Variants in BCDIN3D observed in about 807,000 individuals in gnomAD.
The protein encoded by BCDIN3D is BCDIN3 domain containing RNA methyltransferase.
A neutral mutation model predicts 21.2 loss-of-function variants in BCDIN3D; 15 were observed. The ratio of observed to expected loss-of-function variants is 0.71; its 90% CI spans 0.47 to 1.09. The LOEUF (loss-of-function observed/expected upper bound fraction) is 1.09. Ranked by LOEUF, BCDIN3D falls within the 50% of genes least tolerant of loss-of-function variation. The pLI is 0.00. For synonymous variants in BCDIN3D, 127 were observed against 141.9 expected, an observed-to-expected ratio of 0.90 and a Z score of 0.75; for missense variants, 331 against 366.2, an observed-to-expected ratio of 0.90 and a Z score of 0.79.
rs1946506266 is a variant in BCDIN3D, at chr12:49,836,460, AG to A, written c.*1910del. On this transcript the variant is annotated 3_prime_UTR_variant, in exon 2 of 2. Coordinates refer to ENST00000333924, the MANE Select transcript of BCDIN3D (RefSeq NM_181708.3). Reference sequence around the variant, plus strand: ...CTGTGCGCTGCCTTGGTGGAGTGAGAGGAGAGAGCACCCAGCAGGGTTACAG... The same window carrying A: ...CTGTGCGCTGCCTTGGTGGAGTGAGAGAGAGAGCACCCAGCAGGGTTACAG... The A allele has an allele frequency of 6.6e-6, 1 of 152,228 alleles. No individual in the cohort carries two copies. The highest frequency in any genetic ancestry group is 1.5e-5 in the Non-Finnish European group (1 of 68,034). The allele number at this position is 152,228 out of a possible 1,614,324, so 9.4% of individuals were successfully genotyped here. A position where few individuals can be genotyped will look rare whatever the true frequency, so the allele number is the denominator to read the frequency against.
chr12:49,842,163 C>T (rs1445231337), intron 1 of BCDIN3D, among the ~76,000 whole-genome samples: 3 of 152,218 alleles, frequency 2.0e-5, no homozygotes, highest in African/African-American at 4.8e-5. Context: ...TCACTGCAAG[C>T]TCCGCCTCCC....
rs1313059155 is a variant in BCDIN3D at position 49,837,684 on chromosome 12, T to G, written c.*687A>C. The G allele has an allele frequency of 6.6e-6, 1 of 151,900 alleles. No individual in the cohort carries two copies. Among genetic ancestry groups the G allele is most frequent in the East Asian group, 1.9e-4 (1 of 5,172 alleles). 9.4% of individuals were successfully genotyped at this position (151,900 alleles called of 1,614,324 possible). Reference sequence around the variant, plus strand: ...AACCGTAAGCACTCAAAGTATGGTCTACCTCTGCTTGCCTCAGAATCATCT... The same window carrying G: ...AACCGTAAGCACTCAAAGTATGGTCGACCTCTGCTTGCCTCAGAATCATCT... On this transcript the variant is annotated 3_prime_UTR_variant, in exon 2 of 2. Coordinates refer to ENST00000333924, the MANE Select transcript of BCDIN3D (RefSeq NM_181708.3).
chr12:49,838,503 G>A lies in BCDIN3D; in HGVS notation c.747C>T (p.Cys249=). Residue 249 remains cysteine (C), a synonymous_variant, in exon 2 of 2, where the codon TGC becomes TGT. Transcript: ENST00000333924. Reference sequence around the variant, plus strand: ...TTCTGTCCCAACTGGTGTTGCCAAAGCAACATATTAATTCCATGCCATGAT... The same window carrying A: ...TTCTGTCCCAACTGGTGTTGCCAAAACAACATATTAATTCCATGCCATGAT... ...TQDHGMELIC[C]FGNTSWDRSL... The A allele has an allele frequency of 6.2e-7, 1 of 1,614,126 alleles. No individual in the cohort carries two copies. Among genetic ancestry groups the A allele is most frequent in the East Asian group, 2.2e-5 (1 of 44,884 alleles).
At chr12:49,839,132 T>C in intron 1 of BCDIN3D, 117 bp from the exon 2 acceptor site, 3 of 1,239,146 alleles carry the variant, frequency 2.4e-6, no homozygotes, top group Non-Finnish European at 3.3e-6. Context: ...GGATGTGAGG[T>C]TCCTAAACCA....
intron 1 of BCDIN3D, chr12:49,839,446 T>A (rs1199248297): frequency 6.2e-6 from 1 of 162,106 alleles, no homozygotes; most frequent in African/African-American, 2.4e-5. Context: ...GCAAGCACAA[T>A]CTTACAAAAA....
At position 49,838,988 on chromosome 12, in the gene BCDIN3D, A is replaced by G. The variant is rs1946533128; in HGVS notation, c.262T>C (p.Phe88Leu). 6.2e-7 allele frequency: 1 copy of G among 1,613,794 alleles called. No homozygotes were observed. The highest frequency in any genetic ancestry group is 1.7e-5 in the Admixed American group (1 of 59,992). ...GTTTCCCCGTCAGGTAGGGAGAGGA[A>G]GTGTTTGTATAGAGCCACACTCAGA... Reference protein sequence around the residue: ...GDLSVALYKHFLSLPDGETCS... With the variant: ...GDLSVALYKHLLSLPDGETCS... The change falls in exon 2 of 2, where the codon TTC (phenylalanine) becomes CTC (leucine). Residue 88 changes from phenylalanine to leucine, a missense_variant. Phe to Leu is a conservative substitution (Grantham distance 22). Transcript: ENST00000333924.
rs1810047955 is a variant in BCDIN3D at position 49,842,866 on chromosome 12, C to T, written c.222G>A (p.Gly74=). 1.2e-6 allele frequency: 2 copies of T among 1,602,316 alleles called. No individual in the cohort carries two copies. The highest frequency in any genetic ancestry group is 1.7e-6 in the Non-Finnish European group (2 of 1,173,610). The change falls in exon 1 of 2, where the codon GGG becomes GGA. Residue 74 remains glycine (G), a synonymous_variant. Transcript: ENST00000333924. ...ENGPILGLDV[G]CNSGDLSVAL... ...CCCTGTCACTCACCCCGGAGTTACA[C>T]CCCACGTCGAGCCCCAGAATCGGCC...
chr12:49,841,503 CAT>C (rs1946553434), intron 1 of BCDIN3D, among the ~76,000 whole-genome samples: 1 of 152,226 alleles, frequency 6.6e-6, no homozygotes, highest in Non-Finnish European at 1.5e-5. Context: ...CTTTACCTCT[CAT>C]GTGTATACTA....
In BCDIN3D at chr12:49,842,861, T is replaced by G; in HGVS notation, c.227A>C (p.Asn76Thr). 1 of 1,598,986 alleles carries G rather than the reference T, an allele frequency of 6.3e-7. No individual in the cohort carries two copies. The highest frequency in any genetic ancestry group is 1.1e-5 in the South Asian group (1 of 88,530). ...CCCTCCCCTGTCACTCACCCCGGAG[T>G]TACACCCCACGTCGAGCCCCAGAAT... ...GPILGLDVGC[N>T]SGDLSVALYK... Residue 76 changes from asparagine (N) to threonine (T), a missense_variant, in exon 1 of 2, where the codon AAC becomes ACC. Transcript: ENST00000333924.
Position 49,843,106 on chromosome 12 carries a change from T to C in BCDIN3D, c.-19A>G, listed in dbSNP as rs372170908. ...CCGCCATTAGCCTCAACACAGCCTC[T>C]GGGCCGTGGCGGAACCGGAAGCCGG... On this transcript the variant is annotated 5_prime_UTR_variant, in exon 1 of 2. Coordinates refer to ENST00000333924, the MANE Select transcript of BCDIN3D (RefSeq NM_181708.3). 160 of 1,580,130 alleles carry C rather than the reference T, an allele frequency of 1.0e-4. No homozygotes were observed. The African/African-American group carries it at 1.9e-3, about 19-fold the overall frequency.
At chr12:49,842,226 C>T (rs546942423) in intron 1 of BCDIN3D, among the ~76,000 whole-genome samples, 1 of 152,270 alleles carries the variant, frequency 6.6e-6, no homozygotes, top group East Asian at 1.9e-4. Flanking sequence ...ACTACAGGCG[C>T]CCGCCACCAC....
At chr12:49,839,772 C>T (rs946422490) in intron 1 of BCDIN3D, 1 of 152,132 alleles carries the variant, frequency 6.6e-6, no homozygotes, top group African/African-American at 2.4e-5. Context: ...TCAGCAACCT[C>T]TGCCTCCCAG....
chr12:49,840,416 A>G (rs1592772766), intron 1 of BCDIN3D: 1 of 152,246 alleles, frequency 6.6e-6, no homozygotes, highest in Non-Finnish European at 1.5e-5. Context: ...AAAGCAAGGA[A>G]ACAACAGAAG....
rs1472896480 is a variant in BCDIN3D, at chr12:49,838,513, A to G, written c.737T>C (p.Leu246Ser). The stretch of plus-strand genomic sequence containing the variant: ...ACTGGTGTTGCCAAAGCAACATATT[A>G]ATTCCATGCCATGATCCTGGGTCAA... ...QILTQDHGME[L>S]ICCFGNTSWD... Residue 246 changes from leucine (L) to serine (S), a missense_variant, in exon 2 of 2, where the codon TTA becomes TCA. Transcript: ENST00000333924. 1 of 1,614,130 alleles carries G rather than the reference A, an allele frequency of 6.2e-7. No individual in the cohort carries two copies. The highest frequency in any genetic ancestry group is 8.5e-7 in the Non-Finnish European group (1 of 1,180,026).
intron 1 of BCDIN3D, chr12:49,840,464 A>C (rs1297438557): frequency 2.0e-5 from 3 of 152,202 alleles, no homozygotes; most frequent in Non-Finnish European, 4.4e-5. Flanking sequence ...GAGGTTTATG[A>C]ACAGGAAAAG....
At chr12:49,839,599 A>G (rs1409834876) in intron 1 of BCDIN3D, 17 of 152,842 alleles carry the variant, frequency 1.1e-4, no homozygotes, top group Non-Finnish European at 1.5e-5. Context: ...GCTAAAAGTC[A>G]CTGCTAACAA....
At position 49,836,534 on chromosome 12, in the gene BCDIN3D, T is replaced by C. The variant is rs1946506947; in HGVS notation, c.*1837A>G. The C allele has an allele frequency of 6.6e-6, 1 of 152,220 alleles. No homozygotes were observed. The highest frequency in any genetic ancestry group is 2.1e-4 in the South Asian group (1 of 4,830). The allele number at this position is 152,220 out of a possible 1,614,324, so 9.4% of individuals were successfully genotyped here. A position where few individuals can be genotyped will look rare whatever the true frequency, so the allele number is the denominator to read the frequency against. ...AAGATCTTGTGGGTAAACTCAGCTC[T>C]GTATCTACTGTGATAACTGAGACCA... On this transcript the variant is annotated 3_prime_UTR_variant, in exon 2 of 2. Coordinates refer to ENST00000333924, the MANE Select transcript of BCDIN3D (RefSeq NM_181708.3).
chr12:49,837,300 T>G lies in BCDIN3D; in HGVS notation c.*1071A>C, dbSNP rs957407407. 2.9e-5 allele frequency: 4 copies of G among 139,376 alleles called. No homozygotes were observed. The highest frequency in any genetic ancestry group is 1.1e-4 in the African/African-American group (4 of 36,732). The allele number at this position is 139,376 out of a possible 1,614,324, so 8.6% of individuals were successfully genotyped here. On this transcript the variant is annotated 3_prime_UTR_variant, in exon 2 of 2. Coordinates refer to ENST00000333924, the MANE Select transcript of BCDIN3D (RefSeq NM_181708.3). ...TTTTTTTTTTGTTTTTTTTTTTTTT[T>G]TTTTTGAGACGGAGTCTCGCTCTGT...
At chr12:49,839,764 A>ACT (rs1946539730) in intron 1 of BCDIN3D, 1 of 151,834 alleles carries the variant, frequency 6.6e-6, no homozygotes, top group African/African-American at 2.4e-5. Flanking sequence ...GCGTGATCTC[A>ACT]GCAACCTCTG....
Sources: allele counts gnomAD v4.1 joint callset (sites outside exome capture counted in the v4.1 genomes callset), GRCh38; gene constraint gnomAD v4.1.1; transcripts MANE v1.5; gene names NCBI Gene and HGNC (gene_info 2026-07-23, HGNC 2026-07-21).